MAP1B: variants seen among roughly 807,000 people sequenced by gnomAD.
MAP1B encodes microtubule-associated protein 1B.
In MAP1B, 12 loss-of-function variants were observed where a neutral mutation model predicts 176.1. That is an observed-to-expected ratio of 0.07 (90% CI 0.04 to 0.11). The LOEUF is 0.11. Among genes scored for constraint, MAP1B ranks in the 10% least tolerant of loss-of-function variants. MAP1B has a pLI of 1.00. For synonymous variants in MAP1B, 1,044 were observed against 1,135.0 expected (o/e 0.92, Z 1.61); for missense variants, 2,523 against 2,990.5 (o/e 0.84, Z 3.65).
At chr5:72,132,836 T>C (rs1745758691) in intron 2 of MAP1B, among the ~76,000 whole-genome samples, 1 of 152,236 alleles carries the variant, frequency 6.6e-6, no homozygotes, top group Non-Finnish European at 1.5e-5. Flanking sequence ...TTTTTCCTTG[T>C]GCTGCAGAGT....
intron 2 of MAP1B, chr5:72,116,463 CA>C (rs1471055472): frequency 4.8e-6 from 2 of 418,872 alleles, no homozygotes; most frequent in Admixed American, 6.4e-5. Context: ...GGTAAGGATG[CA>C]AAAATTTGTC....
At chr5:72,116,437 T>G (rs1745439629) in intron 2 of MAP1B, 1 of 419,424 alleles carries the variant, frequency 2.4e-6, no homozygotes, top group African/African-American at 2.1e-5. Flanking sequence ...AAAAAGAATA[T>G]CAAAGAATAA....
intron 2 of MAP1B, among the ~76,000 whole-genome samples, chr5:72,132,323 T>G (rs534584883): frequency 6.6e-6 from 1 of 152,350 alleles, no homozygotes; most frequent in East Asian, 1.9e-4. Context: ...CTCTGAACCC[T>G]TTCAGCCTGG....
chr5:72,160,880 A>T (rs1457376563), intron 2 of MAP1B, among the ~76,000 whole-genome samples: 4 of 152,188 alleles, frequency 2.6e-5, no homozygotes, highest in Admixed American at 2.6e-4. Flanking sequence ...AGGGGCCTCA[A>T]AGTGTTACCT....
chr5:72,199,325 C>T lies in MAP1B; in HGVS notation c.5970C>T (p.Gly1990=). The T allele has an allele frequency of 6.2e-7, 1 of 1,614,142 alleles. No homozygotes were observed. The highest frequency in any genetic ancestry group is 8.5e-7 in the Non-Finnish European group (1 of 1,180,026). ...SRRLLDDISN[G]YDDSEDGGHT... is the part of the protein sequence containing the mutation. Reference sequence around the variant, plus strand: ...GGCTTCTGGATGACATCAGCAATGGCTATGATGACTCTGAGGATGGTGGCC... The same window carrying T: ...GGCTTCTGGATGACATCAGCAATGGTTATGATGACTCTGAGGATGGTGGCC... Residue 1990 remains glycine, a synonymous_variant, in exon 5 of 7, where the codon GGC becomes GGT. Transcript: ENST00000296755. This position sits in a 1 kb window ranked among gnomAD's most constrained non-coding sequence, Gnocchi z 4.2.
At chr5:72,115,855 C>A in intron 2 of MAP1B, 56 bp downstream of exon 2, 1 of 1,268,010 alleles carries the variant, frequency 7.9e-7, no homozygotes, top group Non-Finnish European at 1.2e-6. Flanking sequence ...AAGGAGCAAG[C>A]TAGAAAGCTT....
chr5:72,162,828 A>G (rs1195792978), intron 2 of MAP1B, among the ~76,000 whole-genome samples: 1 of 152,232 alleles, frequency 6.6e-6, no homozygotes, highest in Non-Finnish European at 1.5e-5. Context: ...AGTGTTGCTC[A>G]GGAGTGATTA....
intron 4 of MAP1B, among the ~76,000 whole-genome samples, chr5:72,190,236 G>C (rs1746997968): frequency 6.6e-6 from 1 of 152,194 alleles, no homozygotes; most frequent in African/African-American, 2.4e-5. Context: ...GGGAAGAGAT[G>C]CAGGCTTTGA....
chr5:72,149,532 T>G (rs1746104293), intron 2 of MAP1B, among the ~76,000 whole-genome samples: 1 of 152,234 alleles, frequency 6.6e-6, no homozygotes, highest in Admixed American at 6.5e-5. Flanking sequence ...ACTAGCTCAT[T>G]AGTAAGACTC....
intron 2 of MAP1B, among the ~76,000 whole-genome samples, chr5:72,134,048 C>T (rs889182217): frequency 2.0e-5 from 3 of 152,208 alleles, no homozygotes; most frequent in Non-Finnish European, 2.9e-5. Flanking sequence ...CTTATTGTCA[C>T]TATGTGAACA....
intron 5 of MAP1B, among the ~76,000 whole-genome samples, chr5:72,202,158 T>C (rs956310455): frequency 1.3e-5 from 2 of 152,368 alleles, no homozygotes; most frequent in South Asian, 4.1e-4. Flanking sequence ...AATTGACTTT[T>C]AAAGCAAACC....
At chr5:72,205,013 G>C in intron 6 of MAP1B, 71 bp from the exon 7 acceptor site, 2 of 1,260,218 alleles carry the variant, frequency 1.6e-6, no homozygotes, top group Non-Finnish European at 2.2e-6. Context: ...CTAATACCTT[G>C]CTATTCAATT....
At chr5:72,116,718 T>A (rs1450713720) in intron 2 of MAP1B, among the ~76,000 whole-genome samples, 2 of 152,204 alleles carry the variant, frequency 1.3e-5, no homozygotes, top group Middle Eastern at 3.2e-3. Context: ...CTGTATTACA[T>A]CTTATTTCTT....
intron 2 of MAP1B, among the ~76,000 whole-genome samples, chr5:72,181,614 A>G (rs1436251304): frequency 6.6e-6 from 1 of 151,948 alleles, no homozygotes; most frequent in African/African-American, 2.4e-5. Flanking sequence ...CTAGGGTGCA[A>G]TGACATGTTC....
At chr5:72,114,339 C>T (rs1333502899) in intron 1 of MAP1B, among the ~76,000 whole-genome samples, 2 of 151,946 alleles carry the variant, frequency 1.3e-5, no homozygotes, top group African/African-American at 4.8e-5. Flanking sequence ...ATTTAAGTAA[C>T]ACACTGCTAT....
chr5:72,107,707 T>C lies in MAP1B; in HGVS notation c.176T>C (p.Ile59Thr), dbSNP rs746137908. The C allele has an allele frequency of 5.0e-6, 8 of 1,599,206 alleles. No homozygotes were observed. In the East Asian group the frequency reaches 1.6e-4, roughly 31 times the overall value. ...EEHLRRAIGN[I>T]ELGIRSWDTN... is the part of the protein sequence containing the mutation. ...CACCTGCGGCGTGCCATCGGCAACA[T>C]CGAGCTCGGTAAGTGGCCCCGCGCC... The change falls in exon 1 of 7, where the codon ATC becomes ACC. Residue 59 changes from isoleucine to threonine, a missense_variant. This residue lies in a region of MAP1B where 307 missense variants were observed against 438.4 expected (regional missense o/e 0.70). Transcript: ENST00000296755.
chr5:72,115,630 G>C, intron 1 of MAP1B, 68 bp from the exon 2 acceptor site: 1 of 864,788 alleles, frequency 1.2e-6, no homozygotes, highest in Non-Finnish European at 2.0e-6. Flanking sequence ...ATATTACAGT[G>C]ATGTTGTCCA....
chr5:72,128,407 T>TAA (rs1561293055), intron 2 of MAP1B, among the ~76,000 whole-genome samples: 1 of 120,406 alleles, frequency 8.3e-6, no homozygotes, highest in Non-Finnish European at 1.8e-5. Context: ...AGATATTGTT[T>TAA]TAAAAAAAAA....
rs1161614290 is a variant in MAP1B, at chr5:72,170,860, T to G, written c.287-12883T>G. On this transcript the variant is annotated intron_variant, in intron 2 of 6. Transcript: ENST00000296755. ...TAGTCGGGAGGCTGAGGCAGGAAAG[T>G]AGCTTGAACCCAGGAGGCAGAGGTT... is the stretch of plus-strand genomic sequence containing the variant. Among the ~76,000 whole-genome samples, 15 of 136,040 alleles carry G rather than the reference T, an allele frequency of 1.1e-4. No homozygotes were observed. In the East Asian group the frequency reaches 2.4e-3, roughly 21 times the overall value. The allele number at this position is 136,040 out of a possible 152,430, so 89.2% of individuals were successfully genotyped here.
Sources: allele counts gnomAD v4.1 joint callset (sites outside exome capture counted in the v4.1 genomes callset), GRCh38; gene constraint gnomAD v4.1.1; regional missense constraint gnomAD v4.1.1; non-coding constraint Gnocchi (gnomAD v3.1); transcripts MANE v1.5; gene names NCBI Gene and HGNC (gene_info 2026-07-23, HGNC 2026-07-21).